CDH8: variants seen among roughly 807,000 people sequenced by gnomAD.
CDH8 encodes cadherin-8.
CDH8 carries 17 observed loss-of-function variants against 68.1 expected under a neutral mutation model. The ratio of observed to expected loss-of-function variants is 0.25; its 90% CI spans 0.17 to 0.37. The LOEUF (loss-of-function observed/expected upper bound fraction) is 0.37, where lower values mean the gene tolerates loss of function less well. CDH8 is among the 10% of genes least tolerant of loss of function. The pLI is 1.00. For missense variants in CDH8, 763 were observed against 999.3 expected, an observed-to-expected ratio of 0.76 and a Z score of 3.19; for synonymous variants, 372 against 365.1, an observed-to-expected ratio of 1.02 and a Z score of -0.21.
At chr16:61,669,705 T>G (rs1963753328) in intron 10 of CDH8, among the ~76,000 whole-genome samples, 1 of 152,018 alleles carries the variant, frequency 6.6e-6, no homozygotes, top group Non-Finnish European at 1.5e-5. Context: ...GCTATGCCAT[T>G]TGTATCTCGA....
intron 2 of CDH8, among the ~76,000 whole-genome samples, chr16:61,998,595 C>G (rs1483718215): frequency 6.6e-6 from 1 of 152,090 alleles, no homozygotes; most frequent in Non-Finnish European, 1.5e-5. Context: ...TGAGATGTAC[C>G]TAAGCTCTCA....
intron 2 of CDH8, among the ~76,000 whole-genome samples, chr16:61,904,687 A>G (rs529931715): frequency 6.6e-6 from 1 of 152,360 alleles, no homozygotes; most frequent in East Asian, 1.9e-4. Context: ...ATGGGTCACT[A>G]TCTGTGTGAT....
At chr16:61,869,687 C>T (rs1963320878) in intron 3 of CDH8, among the ~76,000 whole-genome samples, 1 of 152,092 alleles carries the variant, frequency 6.6e-6, no homozygotes, top group African/African-American at 2.4e-5. Context: ...AAATTTTAAT[C>T]ATTATGCCAT....
chr16:61,681,547 G>A, intron 10 of CDH8, among the ~76,000 whole-genome samples: 1 of 149,580 alleles, frequency 6.7e-6, no homozygotes, highest in Non-Finnish European at 1.5e-5. Context: ...CTGAAAATGA[G>A]CAAGAAGGTT....
chr16:61,712,614 A>G (rs369386161), intron 10 of CDH8, among the ~76,000 whole-genome samples: 1 of 151,626 alleles, frequency 6.6e-6, no homozygotes, highest in East Asian at 1.9e-4. Flanking sequence ...TAATAAATAA[A>G]CAATGACAAT....
chr16:61,783,943 A>G (rs62050521), intron 8 of CDH8, among the ~76,000 whole-genome samples: 6,066 of 152,302 alleles, frequency 0.04, 189 homozygotes, highest in Admixed American at 0.089. Flanking sequence ...GAAGCGCTAA[A>G]CATGGAAAGG....
chr16:61,705,680 T>C (rs1254927756), intron 10 of CDH8, among the ~76,000 whole-genome samples: 1 of 152,188 alleles, frequency 6.6e-6, no homozygotes, highest in Non-Finnish European at 1.5e-5. Flanking sequence ...GGAATGGGAA[T>C]GATGGAATCC....
intron 1 of CDH8, among the ~76,000 whole-genome samples, chr16:62,033,827 A>T (rs1398840240): frequency 1.3e-5 from 2 of 151,444 alleles, no homozygotes; most frequent in African/African-American, 4.9e-5. Context: ...CTCTGTTTTC[A>T]GAGGGATTTT....
At chr16:61,916,370 C>T (rs1162945282) in intron 2 of CDH8, among the ~76,000 whole-genome samples, 1 of 152,050 alleles carries the variant, frequency 6.6e-6, no homozygotes, top group East Asian at 1.9e-4. Context: ...CAAAAATTAG[C>T]TGGGTGTGGT....
chr16:61,736,120 G>A (rs201604657), intron 8 of CDH8, among the ~76,000 whole-genome samples: 190 of 94,380 alleles, frequency 2.0e-3, no homozygotes, highest in African/African-American at 8.5e-3. Flanking sequence ...AGAAAGGAAG[G>A]AAGGAAGGAA....
chr16:61,653,460 T>C lies in CDH8; in HGVS notation c.*148A>G. The C allele has an allele frequency of 7.0e-7, 1 of 1,429,276 alleles. No individual in the cohort carries two copies. Among genetic ancestry groups the C allele is most frequent in the Middle Eastern group, 2.4e-4 (1 of 4,160 alleles). 88.5% of individuals were successfully genotyped at this position (1,429,276 alleles called of 1,614,324 possible). On this transcript the variant is annotated 3_prime_UTR_variant, in exon 12 of 12. Coordinates refer to ENST00000577390, the MANE Select transcript of CDH8 (RefSeq NM_001796.5). ...ACTTTTTTATTTTATTATCTTTTTT[T>C]GGTTCAACATTAAAATGTGGTTGAG...
intron 2 of CDH8, among the ~76,000 whole-genome samples, chr16:61,948,429 A>G (rs1039522489): frequency 1.1e-4 from 16 of 152,202 alleles, no homozygotes; most frequent in Admixed American, 1.0e-3. Flanking sequence ...TCAATATGTA[A>G]CCAGAATACA....
chr16:61,926,152 G>GGGGTGTGTGTGTGTGTGTGTGT (rs1181874133), intron 2 of CDH8, among the ~76,000 whole-genome samples: 3 of 142,118 alleles, frequency 2.1e-5, no homozygotes, highest in African/African-American at 7.8e-5. Flanking sequence ...ACTCAGAAGG[G>GGGGTGTGTGTGTGTGTGTGTGT]GTGTGTGTGT....
chr16:61,808,562 A>G (rs1961860514), intron 7 of CDH8, among the ~76,000 whole-genome samples: 1 of 152,196 alleles, frequency 6.6e-6, no homozygotes. Context: ...TAAGATTCCA[A>G]GGGCTCTAAG....
chr16:61,949,264 C>A (rs1405060733), intron 2 of CDH8, among the ~76,000 whole-genome samples: 1 of 152,074 alleles, frequency 6.6e-6, no homozygotes, highest in Non-Finnish European at 1.5e-5. Context: ...ACTTGGAGAA[C>A]TTTTCTGTCT....
At chr16:61,822,025 C>T (rs1439019613) in intron 5 of CDH8, among the ~76,000 whole-genome samples, 1 of 151,700 alleles carries the variant, frequency 6.6e-6, no homozygotes, top group African/African-American at 2.4e-5. Flanking sequence ...ATTAATGCCT[C>T]CTGCAGAAGC....
chr16:61,818,471 C>A (rs1444123690), intron 6 of CDH8, among the ~76,000 whole-genome samples: 1 of 152,198 alleles, frequency 6.6e-6, no homozygotes, highest in African/African-American at 2.4e-5. Context: ...ATAACTGAAT[C>A]TAATTGTGCC....
intron 2 of CDH8, among the ~76,000 whole-genome samples, chr16:62,001,457 A>G (rs1965893338): frequency 6.6e-6 from 1 of 152,148 alleles, no homozygotes. Context: ...AACCTGCTCT[A>G]AGTATTTCTT....
At chr16:61,928,226 T>C (rs1964486339) in intron 2 of CDH8, among the ~76,000 whole-genome samples, 2 of 152,216 alleles carry the variant, frequency 1.3e-5, no homozygotes, top group Admixed American at 1.3e-4. Flanking sequence ...GTTTATTTTA[T>C]CTTTTAGGTA....
Sources: gnomAD v4.1 joint callset for allele counts (sites outside exome capture counted in the v4.1 genomes callset) on GRCh38, gnomAD v4.1.1 for gene constraint, MANE v1.5 for transcripts, NCBI Gene and HGNC (gene_info 2026-07-23, HGNC 2026-07-21) for gene names.